The following AGBL4 variants were observed in gnomAD, a reference collection of about 807,000 sequenced individuals.
AGBL4 encodes AGBL carboxypeptidase 4.
In AGBL4, 58 loss-of-function variants were observed where a neutral mutation model predicts 66.4. The observed-to-expected ratio is 0.87, with a 90% CI of 0.71 to 1.09. AGBL4 has a LOEUF of 1.09. Ranked by LOEUF, AGBL4 falls within the 50% of genes least tolerant of loss-of-function variation. The pLI, the probability that AGBL4 is intolerant of heterozygous loss-of-function variation, is 0.00. For synonymous variants in AGBL4, 234 were observed against 222.9 expected, an observed-to-expected ratio of 1.05 and a Z score of -0.44; for missense variants, 579 against 631.0, an observed-to-expected ratio of 0.92 and a Z score of 0.88.
chr1:48,779,993 TG>T (rs752506784), intron 6 of AGBL4, among the ~76,000 whole-genome samples: 152 of 152,124 alleles, frequency 1.0e-3, no homozygotes, highest in Non-Finnish European at 1.6e-3. Flanking sequence ...GGATTACAGA[TG>T]TGAGCCACCG....
chr1:48,579,339 T>C (rs1039572561), intron 11 of AGBL4, among the ~76,000 whole-genome samples: 6 of 152,052 alleles, frequency 3.9e-5, no homozygotes, highest in African/African-American at 7.2e-5. Flanking sequence ...GTGATTCTTC[T>C]ATCTCAGCCT....
At chr1:48,593,729 C>T (rs569729601) in intron 9 of AGBL4, among the ~76,000 whole-genome samples, 23 of 151,980 alleles carry the variant, frequency 1.5e-4, no homozygotes, top group African/African-American at 5.1e-4. Context: ...CCAGCCTGGG[C>T]GACAGTGCGA....
At chr1:49,623,926 A>C (rs1414343331) in intron 3 of AGBL4, among the ~76,000 whole-genome samples, 2 of 152,132 alleles carry the variant, frequency 1.3e-5, no homozygotes, top group African/African-American at 4.8e-5. Context: ...CAAGTTACTC[A>C]CACGGTTGGG....
chr1:50,013,222 T>TTAAAAA (rs1331151329), intron 1 of AGBL4, among the ~76,000 whole-genome samples: 1 of 152,228 alleles, frequency 6.6e-6, no homozygotes, highest in Non-Finnish European at 1.5e-5. Flanking sequence ...AATAGTCCTC[T>TTAAAAA]GTCTTAGGGC....
At chr1:49,375,632 A>G (rs1226495088) in intron 3 of AGBL4, among the ~76,000 whole-genome samples, 3 of 152,092 alleles carry the variant, frequency 2.0e-5, no homozygotes, top group Non-Finnish European at 4.4e-5. Flanking sequence ...AATGAAAGAG[A>G]CTGCTCTTGG....
chr1:49,684,366 C>T (rs1362170762), intron 3 of AGBL4, among the ~76,000 whole-genome samples: 1 of 152,132 alleles, frequency 6.6e-6, no homozygotes, highest in Non-Finnish European at 1.5e-5. Flanking sequence ...TCACTTTCTA[C>T]ATCTGTGTTT....
At position 49,991,513 on chromosome 1, in the gene AGBL4, T is replaced by A. The variant is rs147190546; in HGVS notation, c.34+32250A>T. ...TGATGTATTTTCATATCCAACTTAC[T>A]TTAGACAATATAAATCTATATTTAG... On this transcript the variant is annotated intron_variant, in intron 1 of 13. Coordinates refer to ENST00000371839, the MANE Select transcript of AGBL4 (RefSeq NM_032785.4). 6.9e-3 allele frequency among the ~76,000 whole-genome samples: 1,051 copies of A among 152,280 alleles called. 11 individuals carry two copies. The highest frequency in any genetic ancestry group is 0.024 in the African/African-American group (978 of 41,556).
At chr1:49,568,398 A>G (rs1382601836) in intron 3 of AGBL4, among the ~76,000 whole-genome samples, 1 of 151,338 alleles carries the variant, frequency 6.6e-6, no homozygotes, top group African/African-American at 2.4e-5. Context: ...TTACACAAAA[A>G]GAATAAAATA....
intron 3 of AGBL4, among the ~76,000 whole-genome samples, chr1:49,604,372 G>A (rs1374176324): frequency 6.6e-6 from 1 of 152,012 alleles, no homozygotes; most frequent in Non-Finnish European, 1.5e-5. Context: ...ATTTTTATAT[G>A]TTCTTTTGAG....
chr1:48,988,904 T>A (rs781356738), intron 5 of AGBL4, among the ~76,000 whole-genome samples: 1 of 152,174 alleles, frequency 6.6e-6, no homozygotes, highest in Non-Finnish European at 1.5e-5. Context: ...GCAGTGATTC[T>A]GCCTTTCATT....
At chr1:48,894,089 T>C (rs1028767705) in intron 5 of AGBL4, among the ~76,000 whole-genome samples, 4 of 152,238 alleles carry the variant, frequency 2.6e-5, no homozygotes, top group African/African-American at 9.6e-5. Flanking sequence ...CTTTTGAAAG[T>C]ATTAGTCGAC....
chr1:49,681,575 T>G (rs867322515), intron 3 of AGBL4, among the ~76,000 whole-genome samples: 3 of 152,190 alleles, frequency 2.0e-5, no homozygotes, highest in Non-Finnish European at 4.4e-5. Flanking sequence ...CTGCCTTCTT[T>G]ACTCCACCTT....
At chr1:49,810,004 A>T (rs1057301592) in intron 2 of AGBL4, among the ~76,000 whole-genome samples, 28 of 152,332 alleles carry the variant, frequency 1.8e-4, no homozygotes, top group Admixed American at 1.8e-3. Flanking sequence ...CAGTTCCATT[A>T]AAAAATATCT....
At chr1:49,349,424 T>A (rs1037909216) in intron 3 of AGBL4, among the ~76,000 whole-genome samples, 2 of 152,176 alleles carry the variant, frequency 1.3e-5, no homozygotes, top group African/African-American at 4.8e-5. Context: ...TTTCCTCCCT[T>A]GTTCTCCTCC....
At position 48,693,702 on chromosome 1, in the gene AGBL4, G is replaced by T. The variant is rs1570272462; in HGVS notation, c.635-30461C>A. Among the ~76,000 whole-genome samples the T allele has an allele frequency of 2.6e-5, 4 of 152,276 alleles. 1 individual carries two copies. Among genetic ancestry groups the T allele is most frequent in the African/African-American group, 9.6e-5 (4 of 41,562 alleles). On this transcript the variant is annotated intron_variant, in intron 6 of 13. Coordinates refer to ENST00000371839, the MANE Select transcript of AGBL4 (RefSeq NM_032785.4). ...GGAAGGATCCAAGAACAAGCCTGGTGACATCCATTTCTCGGTCACTTCACA... is the reference window on the plus strand; with the variant it reads ...GGAAGGATCCAAGAACAAGCCTGGTTACATCCATTTCTCGGTCACTTCACA...
chr1:49,331,195 C>G (rs1195950196), intron 3 of AGBL4, among the ~76,000 whole-genome samples: 4 of 152,110 alleles, frequency 2.6e-5, no homozygotes, highest in Non-Finnish European at 5.9e-5. Context: ...CCCCAGGACC[C>G]CAGAGAAAGG....
chr1:48,759,931 A>C (rs1045301696), intron 6 of AGBL4, among the ~76,000 whole-genome samples: 21 of 152,198 alleles, frequency 1.4e-4, no homozygotes, highest in African/African-American at 5.1e-4. Context: ...TGTTTACTCA[A>C]CTGAAAAGTT....
chr1:49,894,352 A>G (rs1200036256), intron 1 of AGBL4, among the ~76,000 whole-genome samples: 1 of 152,198 alleles, frequency 6.6e-6, no homozygotes, highest in Non-Finnish European at 1.5e-5. Flanking sequence ...ATCAAGGAAA[A>G]TACGACTCTA....
intron 6 of AGBL4, among the ~76,000 whole-genome samples, chr1:48,697,177 C>T (rs1570281547): frequency 1.3e-5 from 2 of 152,306 alleles, no homozygotes; most frequent in East Asian, 3.9e-4. Context: ...CTAAGCTTTA[C>T]TATTCTGAAG....
Sources: gnomAD v4.1 joint callset for allele counts (sites outside exome capture counted in the v4.1 genomes callset) on GRCh38, gnomAD v4.1.1 for gene constraint, MANE v1.5 for transcripts, NCBI Gene and HGNC (gene_info 2026-07-23, HGNC 2026-07-21) for gene names.